ASRGL1: variants seen among roughly 807,000 people sequenced by gnomAD.
The protein encoded by ASRGL1 is isoaspartyl peptidase/L-asparaginase.
A neutral mutation model predicts 22.4 loss-of-function variants in ASRGL1; 16 were observed. That is an observed-to-expected ratio of 0.71 (90% CI 0.48 to 1.08). ASRGL1 has a LOEUF of 1.08. Ranked by LOEUF, ASRGL1 falls within the 50% of genes least tolerant of loss-of-function variation. The probability of loss-of-function intolerance (pLI) is 0.00; values close to 1 mark genes in which losing one functional copy is unlikely to be tolerated. For missense variants in ASRGL1, 412 were observed against 410.1 expected (o/e 1.00, Z -0.04); for synonymous variants, 165 against 159.3 (o/e 1.04, Z -0.27).
chr11:62,363,094 C>A (rs1035827515), intron 4 of ASRGL1, among the ~76,000 whole-genome samples: 1 of 149,670 alleles, frequency 6.7e-6, no homozygotes, highest in Non-Finnish European at 1.5e-5. Flanking sequence ...CCACCACGCC[C>A]GGCTAATTTT....
chr11:62,375,471 T>A (rs1946899414), intron 4 of ASRGL1, among the ~76,000 whole-genome samples: 1 of 93,296 alleles, frequency 1.1e-5, no homozygotes, highest in Non-Finnish European at 2.3e-5. Flanking sequence ...TATATATATA[T>A]ATATATATAT....
At position 62,356,392 on chromosome 11, in the gene ASRGL1, C is replaced by T. The variant is rs754950129; in HGVS notation, c.258C>T (p.Asp86=). ...EMDASIMDGK[D]LSAGAVSAVQ... is the part of the protein sequence containing the mutation. ...ATGCTAGTATCATGGATGGAAAAGACCTGTCTGCAGGAGCAGTGTCCGCAG... is the reference window on the plus strand; with the variant it reads ...ATGCTAGTATCATGGATGGAAAAGATCTGTCTGCAGGAGCAGTGTCCGCAG... The change falls in exon 3 of 7, where the codon GAC becomes GAT. Residue 86 remains aspartate (D), a synonymous_variant. Transcript: ENST00000415229. 5.6e-6 allele frequency: 9 copies of T among 1,614,016 alleles called. No individual in the cohort carries two copies. The African/African-American group carries it at 9.3e-5, about 17-fold the overall frequency.
At chr11:62,380,332 G>C (rs776848900) in intron 4 of ASRGL1, among the ~76,000 whole-genome samples, 4 of 152,032 alleles carry the variant, frequency 2.6e-5, no homozygotes. Flanking sequence ...GCAGCATCTC[G>C]GAGCCTTGCC....
At chr11:62,399,428 C>T in the ASRGL1 span, among the ~76,000 whole-genome samples, 5 of 152,176 alleles carry the variant, frequency 3.3e-5, no homozygotes, top group Non-Finnish European at 7.4e-5. Flanking sequence ...GGTGCCCCAC[C>T]GGTGTGTCTG....
chr11:62,393,575 T>A (rs574975551), downstream of ASRGL1, among the ~76,000 whole-genome samples: 20 of 152,250 alleles, frequency 1.3e-4, no homozygotes, highest in East Asian at 3.3e-3. Flanking sequence ...ACTGAACTTT[T>A]TCTGAGTGGG....
rs377088408 is a variant in ASRGL1, at chr11:62,392,297, T to C, written c.*13T>C. 1.9e-5 allele frequency: 30 copies of C among 1,612,072 alleles called. No individual in the cohort carries two copies. The highest frequency in any genetic ancestry group is 5.0e-5 in the Admixed American group (3 of 60,000). On this transcript the variant is annotated 3_prime_UTR_variant, in exon 7 of 7. Coordinates refer to ENST00000415229, the MANE Select transcript of ASRGL1 (RefSeq NM_001083926.2). ...CGACCTTCCCTAAGCCGCTGGAAGA[T>C]TGTATTCCAGATGCTAGCTTAGAGG...
intron 4 of ASRGL1, among the ~76,000 whole-genome samples, chr11:62,376,100 C>CA (rs35931241): frequency 0.022 from 1,142 of 51,260 alleles, 23 homozygotes; most frequent in Middle Eastern, 0.034. Context: ...GACTCCATCT[C>CA]AAAAAAAAAA....
chr11:62,371,526 A>G, intron 4 of ASRGL1: 1 of 702,880 alleles, frequency 1.4e-6, no homozygotes, highest in Non-Finnish European at 2.6e-6. Flanking sequence ...GGTAAAAGTC[A>G]TCACCATTCT....
In ASRGL1 at chr11:62,371,991, C is replaced by T. The variant is rs1946783719; in HGVS notation, c.491+14847C>T. ...AAAAAAAAAGTTCCTAAACAGGAAG[C>T]TGCGTACGGCAATATCCGTCAGAAT... On this transcript the variant is annotated intron_variant, in intron 4 of 6. Transcript: ENST00000415229. 12 of 653,766 alleles carry T rather than the reference C, an allele frequency of 1.8e-5. 1 individual carries two copies. Among genetic ancestry groups the T allele is most frequent in the Middle Eastern group, 4.1e-4 (1 of 2,452 alleles). 40.5% of individuals were successfully genotyped at this position (653,766 alleles called of 1,614,324 possible). A position where few individuals can be genotyped will look rare whatever the true frequency, so the allele number is the denominator to read the frequency against.
chr11:62,368,622 G>A (rs542005235), intron 4 of ASRGL1, among the ~76,000 whole-genome samples: 2 of 152,158 alleles, frequency 1.3e-5, no homozygotes, highest in South Asian at 2.1e-4. Flanking sequence ...CTCAGCGTAC[G>A]GAGGACCCAC....
intron 4 of ASRGL1, among the ~76,000 whole-genome samples, chr11:62,370,236 G>T (rs893701719): frequency 3.3e-5 from 5 of 152,144 alleles, no homozygotes; most frequent in African/African-American, 1.2e-4. Context: ...GCAGAATATG[G>T]TGTTGCCAAT....
intron 2 of ASRGL1, among the ~76,000 whole-genome samples, chr11:62,342,671 T>C (rs1446949982): frequency 6.6e-6 from 1 of 151,718 alleles, no homozygotes; most frequent in Admixed American, 6.6e-5. Flanking sequence ...GGCATGAGAA[T>C]CACTTGAACC....
intron 4 of ASRGL1, among the ~76,000 whole-genome samples, chr11:62,367,895 T>C (rs1946655442): frequency 6.6e-6 from 1 of 152,162 alleles, no homozygotes; most frequent in Non-Finnish European, 1.5e-5. Flanking sequence ...TGAGCCGAGA[T>C]CATGCCACTG....
chr11:62,361,168 T>C (rs1946423264), intron 4 of ASRGL1, among the ~76,000 whole-genome samples: 1 of 151,762 alleles, frequency 6.6e-6, no homozygotes, highest in Non-Finnish European at 1.5e-5. Context: ...TTTTTGTCAA[T>C]AAATTTTTTG....
In ASRGL1 at chr11:62,392,506, C is replaced by G. The variant is rs142397761; in HGVS notation, c.*222C>G. 278 of 582,908 alleles carry G rather than the reference C, an allele frequency of 4.8e-4. 3 individuals carry two copies. Among genetic ancestry groups the G allele is most frequent in the African/African-American group, 4.8e-3 (252 of 52,926 alleles). The allele number at this position is 582,908 out of a possible 1,614,324, so 36.1% of individuals were successfully genotyped here. A position where few individuals can be genotyped will look rare whatever the true frequency, so the allele number is the denominator to read the frequency against. On this transcript the variant is annotated 3_prime_UTR_variant, in exon 7 of 7. Coordinates refer to ENST00000415229, the MANE Select transcript of ASRGL1 (RefSeq NM_001083926.2). The stretch of plus-strand genomic sequence containing the variant: ...ATTACTTGAGCCCAGGAGGTCAAAG[C>G]TGAGGTGAGCCATGATTACTCCACT...
chr11:62,342,221 G>A (rs755997162), intron 2 of ASRGL1, among the ~76,000 whole-genome samples: 11 of 152,212 alleles, frequency 7.2e-5, no homozygotes, highest in Non-Finnish European at 1.6e-4. Flanking sequence ...TAACTTGTGG[G>A]ATGCTGAGAT....
rs915220095 is a variant in ASRGL1, at chr11:62,337,911, C to T, written c.-67C>T. 1 of 1,515,306 alleles carries T rather than the reference C, an allele frequency of 6.6e-7. No homozygotes were observed. The highest frequency in any genetic ancestry group is 1.2e-5 in the South Asian group (1 of 80,384). 93.9% of individuals were successfully genotyped at this position (1,515,306 alleles called of 1,614,324 possible). On this transcript the variant is annotated 5_prime_UTR_variant, in exon 2 of 7. Transcript: ENST00000415229. ...ACAGGGTCTCCCGAGGACCTTGTAC[C>T]CGCGCGGCTTCCTTGGGCTGGCTTT...
chr11:62,389,422 C>G, intron 5 of ASRGL1, 171 bp downstream of exon 5: 1 of 725,416 alleles, frequency 1.4e-6, no homozygotes, highest in East Asian at 2.7e-5. Context: ...GTTCGGGGTG[C>G]TGCCTTGAGA....
intron 2 of ASRGL1, among the ~76,000 whole-genome samples, chr11:62,343,544 A>G (rs1161676918): frequency 1.3e-5 from 2 of 151,842 alleles, no homozygotes; most frequent in Non-Finnish European, 2.9e-5. Context: ...CCTGGCCAAC[A>G]TAGTGAAACC....
Sources: allele counts gnomAD v4.1 joint callset (sites outside exome capture counted in the v4.1 genomes callset), GRCh38; gene constraint gnomAD v4.1.1; transcripts MANE v1.5; gene names NCBI Gene and HGNC (gene_info 2026-07-23, HGNC 2026-07-21).